LHFPL3: variants seen among roughly 807,000 people sequenced by gnomAD.
LHFPL3 encodes LHFPL tetraspan subfamily member 3 protein.
Under a neutral mutation model 19.3 loss-of-function variants are expected in LHFPL3, and 5 were observed. The observed-to-expected ratio is 0.26, with a 90% confidence interval of 0.14 to 0.54. The LOEUF (loss-of-function observed/expected upper bound fraction) is 0.54, where lower values mean the gene tolerates loss of function less well. LHFPL3 is among the 20% of genes least tolerant of loss of function. The pLI, the probability that LHFPL3 is intolerant of heterozygous loss-of-function variation, is 0.94. For missense variants in LHFPL3, 249 were observed against 307.4 expected, an observed-to-expected ratio of 0.81 and a Z score of 1.42; for synonymous variants, 133 against 126.2, an observed-to-expected ratio of 1.05 and a Z score of -0.36.
intron 1 of LHFPL3, among the ~76,000 whole-genome samples, chr7:104,717,098 T>C (rs1287688692): frequency 2.6e-5 from 4 of 152,096 alleles, no homozygotes; most frequent in East Asian, 3.8e-4. Context: ...AAACCAGATA[T>C]ATACCTGCAG....
At chr7:104,815,710 C>T (rs1478909551) in intron 2 of LHFPL3, among the ~76,000 whole-genome samples, 1 of 152,138 alleles carries the variant, frequency 6.6e-6, no homozygotes, top group Non-Finnish European at 1.5e-5. Flanking sequence ...GCCCAGATCT[C>T]CCCTGTGCCT....
chr7:104,450,587 G>C (rs896074333), intron 1 of LHFPL3, among the ~76,000 whole-genome samples: 1 of 152,180 alleles, frequency 6.6e-6, no homozygotes, highest in East Asian at 1.9e-4. Context: ...GTGGGGGACT[G>C]GGGGAGGGAG....
chr7:104,638,370 G>A (rs1791767816), intron 1 of LHFPL3, among the ~76,000 whole-genome samples: 1 of 151,966 alleles, frequency 6.6e-6, no homozygotes. Context: ...CTATTTGAAT[G>A]CCTTTTTTTT....
At chr7:104,511,547 C>T (rs900182904) in intron 1 of LHFPL3, among the ~76,000 whole-genome samples, 1 of 152,146 alleles carries the variant, frequency 6.6e-6, no homozygotes, top group Non-Finnish European at 1.5e-5. Flanking sequence ...TCATAATAAC[C>T]AATAATTGGA....
At chr7:104,634,022 C>T (rs575137513) in intron 1 of LHFPL3, among the ~76,000 whole-genome samples, 8 of 152,238 alleles carry the variant, frequency 5.3e-5, no homozygotes, top group South Asian at 2.1e-4. Flanking sequence ...TTAAATAAAA[C>T]GGTGGTTAAG....
intron 2 of LHFPL3, chr7:104,845,479 G>C (rs1791296379): frequency 6.6e-7 from 1 of 1,523,690 alleles, no homozygotes; most frequent in African/African-American, 1.4e-5. Flanking sequence ...GTGCGCTTCT[G>C]CCTTCTGTTC....
chr7:104,543,776 G>C (rs577798414), intron 1 of LHFPL3, among the ~76,000 whole-genome samples: 1 of 85,784 alleles, frequency 1.2e-5, no homozygotes, highest in Non-Finnish European at 2.1e-5. Context: ...GGGGTGGGGG[G>C]AGGGGGGAGG....
chr7:104,660,076 A>T (rs1792196976), intron 1 of LHFPL3, among the ~76,000 whole-genome samples: 1 of 149,436 alleles, frequency 6.7e-6, no homozygotes, highest in African/African-American at 2.5e-5. Context: ...ATCTTGGCTC[A>T]CTGCAACCTC....
chr7:104,399,515 G>A lies in LHFPL3; in HGVS notation c.445+70291G>A, dbSNP rs931890579. On this transcript the variant is annotated intron_variant, in intron 1 of 2. Transcript: ENST00000424859. The surrounding 1 kb of genome is among the most constrained non-coding windows in gnomAD (Gnocchi z 4.4). ...GTTGCCCAGGCTGGCAGGCTGGAGT[G>A]CAGTGGCGCAGTCTTGGCTCAGTGC... 7.9e-5 allele frequency among the ~76,000 whole-genome samples: 12 copies of A among 151,690 alleles called. No individual in the cohort carries two copies. The highest frequency in any genetic ancestry group is 1.8e-4 in the Non-Finnish European group (12 of 67,930).
intron 2 of LHFPL3, among the ~76,000 whole-genome samples, chr7:104,869,557 G>C (rs1213390631): frequency 6.6e-6 from 1 of 152,022 alleles, no homozygotes; most frequent in Non-Finnish European, 1.5e-5. Context: ...TCTCACACCA[G>C]TTAGAATGGC....
At chr7:104,899,198 A>G (rs1792434143) in intron 2 of LHFPL3, among the ~76,000 whole-genome samples, 1 of 152,036 alleles carries the variant, frequency 6.6e-6, no homozygotes, top group African/African-American at 2.4e-5. Flanking sequence ...GCATCATTTC[A>G]ATCTTCATGA....
In LHFPL3 at chr7:104,474,159, G is replaced by A. The variant is rs138836018; in HGVS notation, c.445+144935G>A. On this transcript the variant is annotated intron_variant, in intron 1 of 2. Coordinates refer to ENST00000424859, the MANE Select transcript of LHFPL3 (RefSeq NM_199000.3). ...CTGCTTCTACCCAAGTCCACCAATT[G>A]TATAAGAAAATCATTCCAGCCTAGT... 5.3e-5 allele frequency among the ~76,000 whole-genome samples: 8 copies of A among 152,200 alleles called. No individual in the cohort carries two copies. In the East Asian group the frequency reaches 1.5e-3, roughly 29 times the overall value.
intron 1 of LHFPL3, among the ~76,000 whole-genome samples, chr7:104,559,320 T>C (rs1327042698): frequency 6.7e-6 from 1 of 149,506 alleles, no homozygotes; most frequent in Non-Finnish European, 1.5e-5. Context: ...GAGCATGGAA[T>C]GTTCTTCCAT....
intron 1 of LHFPL3, among the ~76,000 whole-genome samples, chr7:104,534,464 G>A (rs943052175): frequency 3.9e-5 from 6 of 152,150 alleles, no homozygotes; most frequent in South Asian, 2.1e-4. Flanking sequence ...CTTACCTTTC[G>A]GAATCTTAGG....
At chr7:104,897,780 T>C (rs1024674723) in intron 2 of LHFPL3, among the ~76,000 whole-genome samples, 31 of 152,104 alleles carry the variant, frequency 2.0e-4, no homozygotes, top group African/African-American at 7.2e-4. Flanking sequence ...TAAAAGAGGA[T>C]TAAATAAAGC....
chr7:104,797,532 G>A (rs1180384756), intron 2 of LHFPL3, among the ~76,000 whole-genome samples: 1 of 152,176 alleles, frequency 6.6e-6, no homozygotes, highest in African/African-American at 2.4e-5. Context: ...GTCAGCCCAT[G>A]ATGGAGATGA....
At chr7:104,440,819 C>A (rs942417041) in intron 1 of LHFPL3, among the ~76,000 whole-genome samples, 2 of 152,006 alleles carry the variant, frequency 1.3e-5, no homozygotes, top group East Asian at 1.9e-4. Flanking sequence ...GTGAGACAAG[C>A]GGTTCATTTA....
chr7:104,701,326 C>T (rs1196255031), intron 1 of LHFPL3, among the ~76,000 whole-genome samples: 4 of 152,086 alleles, frequency 2.6e-5, no homozygotes, highest in South Asian at 2.1e-4. Flanking sequence ...GCTCTCCCCA[C>T]GCAGTCAAAA....
At chr7:104,384,645 G>A (rs1790897590) in intron 1 of LHFPL3, among the ~76,000 whole-genome samples, 1 of 151,856 alleles carries the variant, frequency 6.6e-6, no homozygotes, top group Non-Finnish European at 1.5e-5. Context: ...AAATTAGCCA[G>A]GCATGGTGGC....
Sources: gnomAD v4.1 joint callset for allele counts (sites outside exome capture counted in the v4.1 genomes callset) on GRCh38, gnomAD v4.1.1 for gene constraint, Gnocchi (gnomAD v3.1) non-coding constraint, MANE v1.5 for transcripts, NCBI Gene and HGNC (gene_info 2026-07-23, HGNC 2026-07-21) for gene names.